The following LYRM7 variants were observed in gnomAD, a reference collection of about 807,000 sequenced individuals.
LYRM7 encodes complex III assembly factor LYRM7.
In LYRM7, 9 loss-of-function variants were observed where a neutral mutation model predicts 15.8. That is an observed-to-expected ratio of 0.57 (90% CI 0.34 to 0.99). LYRM7 has a LOEUF of 0.99. Ranked by LOEUF, LYRM7 falls within the 50% of genes least tolerant of loss-of-function variation. LYRM7 has a pLI of 0.02. For synonymous variants in LYRM7, 39 were observed against 39.4 expected, an observed-to-expected ratio of 0.99 and a Z score of 0.04; for missense variants, 115 against 119.1, an observed-to-expected ratio of 0.97 and a Z score of 0.16.
intron 1 of LYRM7, among the ~76,000 whole-genome samples, chr5:131,177,067 T>G (rs932060738): frequency 6.6e-6 from 1 of 152,188 alleles, no homozygotes; most frequent in Non-Finnish European, 1.5e-5. Context: ...TATGATTGTC[T>G]TTTTTCCCAT....
At position 131,198,262 on chromosome 5, in the gene LYRM7, G is replaced by A. The variant is rs192664062; in HGVS notation, c.245-1269G>A. Among the ~76,000 whole-genome samples, 3 of 152,224 alleles carry A rather than the reference G, an allele frequency of 2.0e-5. No homozygotes were observed. In the East Asian group the frequency reaches 5.8e-4, roughly 29 times the overall value. The stretch of plus-strand genomic sequence containing the variant: ...ACCAGGGTATTAATATTGATGCAAT[G>A]CTATCATTTAATCTTTCCATTTGTC... On this transcript the variant is annotated intron_variant, in intron 4 of 4. Coordinates refer to ENST00000379380, the MANE Select transcript of LYRM7 (RefSeq NM_181705.4).
chr5:131,182,096 T>C (rs1755722141), intron 2 of LYRM7, 133 bp from the exon 3 acceptor site: 4 of 793,546 alleles, frequency 5.0e-6, no homozygotes, highest in Non-Finnish European at 5.4e-6. Context: ...TTTCTTATTC[T>C]TATGCTTTGT....
At chr5:131,173,220 G>T (rs1755549717) in intron 1 of LYRM7, among the ~76,000 whole-genome samples, 1 of 152,128 alleles carries the variant, frequency 6.6e-6, no homozygotes. Context: ...TTACTATCAA[G>T]CACCTCAGAG....
At position 131,181,387 on chromosome 5, in the gene LYRM7, T is replaced by C. The variant is rs184539879; in HGVS notation, c.92-842T>C. ...AACATATATATGTATATATAATATA[T>C]ACATATATATTATATATACATATAT... On this transcript the variant is annotated intron_variant, in intron 2 of 4. Coordinates refer to ENST00000379380, the MANE Select transcript of LYRM7 (RefSeq NM_181705.4). Among the ~76,000 whole-genome samples, 8 of 94,762 alleles carry C rather than the reference T, an allele frequency of 8.4e-5. No homozygotes were observed. In the East Asian group the frequency reaches 9.5e-4, roughly 11 times the overall value. The allele number at this position is 94,762 out of a possible 152,430, so 62.2% of individuals were successfully genotyped here.
intron 2 of LYRM7, among the ~76,000 whole-genome samples, chr5:131,181,373 G>GA (rs1554089921): frequency 2.5e-5 from 2 of 80,094 alleles, no homozygotes; most frequent in Non-Finnish European, 4.2e-5. Context: ...ACATATATAT[G>GA]TATATATAAT....
rs1054170939 is a variant in LYRM7 at position 131,200,880 on chromosome 5, TCTTTAA to T, written c.*1281_*1286del. On this transcript the variant is annotated 3_prime_UTR_variant, in exon 5 of 5. Transcript: ENST00000379380. ...TGAATATTTTATCACTGAGCTTTTT[TCTTTAA>T]CCTGAATTCCCTGTTCCATTTTTCA... 9.2e-5 allele frequency: 14 copies of T among 152,140 alleles called. No individual in the cohort carries two copies. Among genetic ancestry groups the T allele is most frequent in the African/African-American group, 3.1e-4 (13 of 41,434 alleles). The allele number at this position is 152,140 out of a possible 1,614,324, so 9.4% of individuals were successfully genotyped here.
At chr5:131,184,629 AT>A (rs1265064064) in intron 3 of LYRM7, among the ~76,000 whole-genome samples, 4 of 124,196 alleles carry the variant, frequency 3.2e-5, no homozygotes, top group Non-Finnish European at 6.2e-5. Flanking sequence ...GACAAATGGA[AT>A]TTTTTTTGGC....
intron 4 of LYRM7, among the ~76,000 whole-genome samples, chr5:131,196,197 G>A (rs1000589688): frequency 8.7e-5 from 13 of 149,148 alleles, no homozygotes; most frequent in South Asian, 2.1e-4. Context: ...TCAGCCTCCC[G>A]GGTTCAAGCG....
At chr5:131,179,728 G>C (rs1210934198) in intron 1 of LYRM7, among the ~76,000 whole-genome samples, 4 of 152,026 alleles carry the variant, frequency 2.6e-5, no homozygotes, top group African/African-American at 4.8e-5. Context: ...CTGAGGTCAG[G>C]AGCTCAAGAC....
intron 4 of LYRM7, among the ~76,000 whole-genome samples, chr5:131,189,182 G>A (rs1340009270): frequency 1.4e-5 from 2 of 147,486 alleles, no homozygotes; most frequent in Non-Finnish European, 3.0e-5. Context: ...GTGGCTCAAC[G>A]CCTGTAATCC....
rs767241339 is a variant in LYRM7, at chr5:131,204,831, A to G, written c.*5230A>G. ...TGTGTACATATTTGCATATATATGT[A>G]CAAATGGGTAGAAACGATACATGAT... On this transcript the variant is annotated 3_prime_UTR_variant, in exon 5 of 5. Coordinates refer to ENST00000379380, the MANE Select transcript of LYRM7 (RefSeq NM_181705.4). 6.6e-6 allele frequency: 1 copy of G among 152,228 alleles called. No individual in the cohort carries two copies. Among genetic ancestry groups the G allele is most frequent in the Non-Finnish European group, 1.5e-5 (1 of 68,014 alleles). The allele number at this position is 152,228 out of a possible 1,614,324, so 9.4% of individuals were successfully genotyped here. A position where few individuals can be genotyped will look rare whatever the true frequency, so the allele number is the denominator to read the frequency against.
At chr5:131,187,374 T>C (rs1755813641) in intron 4 of LYRM7, among the ~76,000 whole-genome samples, 1 of 152,190 alleles carries the variant, frequency 6.6e-6, no homozygotes, top group African/African-American at 2.4e-5. Flanking sequence ...TATATTTTTA[T>C]CATATTTATT....
intron 1 of LYRM7, among the ~76,000 whole-genome samples, chr5:131,175,524 GTTTGTTTTGT>G (rs367920351): frequency 2.2e-4 from 34 of 151,352 alleles, no homozygotes; most frequent in Admixed American, 1.1e-3. Flanking sequence ...GGGTGTGTTT[GTTTGTTTTGT>G]TTTGTTTTGT....
rs183387732 is a variant in LYRM7 at position 131,198,288 on chromosome 5, C to G, written c.245-1243C>G. ...CTATCATTTAATCTTTCCATTTGTCCTAATAATGTATTTTATGGCAAAAGG... is the reference window on the plus strand; with the variant it reads ...CTATCATTTAATCTTTCCATTTGTCGTAATAATGTATTTTATGGCAAAAGG... On this transcript the variant is annotated intron_variant, in intron 4 of 4. Transcript: ENST00000379380. Among the ~76,000 whole-genome samples, 482 of 152,148 alleles carry G rather than the reference C, an allele frequency of 3.2e-3. 3 individuals carry two copies. The highest frequency in any genetic ancestry group is 5.0e-3 in the Non-Finnish European group (337 of 68,000).
rs1756027381 is a variant in LYRM7 at position 131,199,683 on chromosome 5, T to TAACTGAGACCTGTCTCAGTA, written c.*82_*83insAACTGAGACCTGTCTCAGTA. ...GCAAAAGTCCTGGAAATGCAGACAT[T>TAACTGAGACCTGTCTCAGTA]TTCCCTGAACTGGCATATTGAAAAT... On this transcript the variant is annotated 3_prime_UTR_variant, in exon 5 of 5. Transcript: ENST00000379380. 1 of 937,102 alleles carries TAACTGAGACCTGTCTCAGTA rather than the reference T, an allele frequency of 1.1e-6. No homozygotes were observed. The highest frequency in any genetic ancestry group is 1.6e-6 in the Non-Finnish European group (1 of 621,102). The allele number at this position is 937,102 out of a possible 1,614,324, so 58.0% of individuals were successfully genotyped here.
At chr5:131,191,403 A>C (rs1755884424) in intron 4 of LYRM7, among the ~76,000 whole-genome samples, 1 of 152,174 alleles carries the variant, frequency 6.6e-6, no homozygotes, top group South Asian at 2.1e-4. Flanking sequence ...AATGAAAAAT[A>C]ATAGAAATTG....
chr5:131,188,380 T>C (rs1458492486), intron 4 of LYRM7, among the ~76,000 whole-genome samples: 5 of 145,652 alleles, frequency 3.4e-5, no homozygotes, highest in African/African-American at 1.3e-4. Context: ...GAAATACCCA[T>C]GTAACCAACA....
chr5:131,182,251 A>G lies in LYRM7; in HGVS notation c.114A>G (p.Glu38=). The change falls in exon 3 of 5, where the codon GAA becomes GAG. Residue 38 remains glutamate (E), a synonymous_variant. Transcript: ENST00000379380. ...TAGCAGCCAGAATAAAGATAAATGA[A>G]GAATTCAAAAATAATAAAAGTGAAA... is the stretch of plus-strand genomic sequence containing the variant. ...ALEAARIKIN[E]EFKNNKSETS... is the part of the protein sequence containing the mutation. The G allele has an allele frequency of 7.0e-7, 1 of 1,437,260 alleles. No homozygotes were observed. The highest frequency in any genetic ancestry group is 9.5e-7 in the Non-Finnish European group (1 of 1,058,160). The allele number at this position is 1,437,260 out of a possible 1,614,324, so 89.0% of individuals were successfully genotyped here.
chr5:131,199,477 A>C, intron 4 of LYRM7, 54 bp from the exon 5 acceptor site: 1 of 1,268,932 alleles, frequency 7.9e-7, no homozygotes, highest in Non-Finnish European at 1.1e-6. Flanking sequence ...GTGTCCTTGC[A>C]TTTAATTCTA....
Sources: gnomAD v4.1 joint callset for allele counts (sites outside exome capture counted in the v4.1 genomes callset) on GRCh38, gnomAD v4.1.1 for gene constraint, MANE v1.5 for transcripts, NCBI Gene and HGNC (gene_info 2026-07-23, HGNC 2026-07-21) for gene names.